Variants in SCYL2 observed in about 807,000 individuals in gnomAD.
SCYL2 encodes the protein SCY1 like pseudokinase 2.
A neutral mutation model predicts 100.4 loss-of-function variants in SCYL2; 36 were observed. That is an observed-to-expected ratio of 0.36 (90% CI 0.27 to 0.47). The LOEUF is 0.47. Among genes scored for constraint, SCYL2 ranks in the 20% least tolerant of loss-of-function variants. SCYL2 has a pLI of 1.00. For synonymous variants in SCYL2, 330 were observed against 359.2 expected, an observed-to-expected ratio of 0.92 and a Z score of 0.92; for missense variants, 902 against 1,083.9, an observed-to-expected ratio of 0.83 and a Z score of 2.36.
chr12:100,311,922 C>T (rs1274484834), intron 5 of SCYL2, among the ~76,000 whole-genome samples: 1 of 152,102 alleles, frequency 6.6e-6, no homozygotes, highest in Non-Finnish European at 1.5e-5. Flanking sequence ...GTGATTTGAC[C>T]TAAGATTTGT....
chr12:100,335,717 A>AG, intron 15 of SCYL2, 26 bp downstream of exon 15: 3 of 1,600,790 alleles, frequency 1.9e-6, no homozygotes, highest in Non-Finnish European at 2.6e-6. Context: ...ATTTTTGCAG[A>AG]AAGTATGCTT....
chr12:100,320,206 A>C (rs2096354027), intron 10 of SCYL2, among the ~76,000 whole-genome samples: 3 of 152,110 alleles, frequency 2.0e-5, no homozygotes. Flanking sequence ...TGTGTTTTGC[A>C]ATCTCCTGTT....
intron 13 of SCYL2, among the ~76,000 whole-genome samples, chr12:100,331,733 G>A (rs1011005868): frequency 1.3e-5 from 2 of 152,128 alleles, no homozygotes; most frequent in African/African-American, 4.8e-5. Flanking sequence ...CAGTAGTTTA[G>A]CATGGATGTG....
rs760521513 is a variant in SCYL2, at chr12:100,335,618, C to G, written c.1863-7C>G. ...TATTGTTTTATCATAATTCAACTCT[C>G]CTACAGATCTTTGGATATAGGAAAT... is the stretch of plus-strand genomic sequence containing the variant. On this transcript the variant is annotated splice_region_variant and splice_polypyrimidine_tract_variant and intron_variant, in intron 14 of 17. Coordinates refer to ENST00000360820, the MANE Select transcript of SCYL2 (RefSeq NM_017988.6). 1.9e-6 allele frequency: 3 copies of G among 1,577,378 alleles called. No homozygotes were observed. The highest frequency in any genetic ancestry group is 4.5e-5 in the East Asian group (2 of 44,658).
chr12:100,318,557 C>G (rs1566365190), intron 10 of SCYL2, among the ~76,000 whole-genome samples: 1 of 152,176 alleles, frequency 6.6e-6, no homozygotes, highest in Non-Finnish European at 1.5e-5. Flanking sequence ...GTCTCGAACT[C>G]CTGACCTCAG....
intron 4 of SCYL2, among the ~76,000 whole-genome samples, chr12:100,305,985 A>T (rs996907300): frequency 6.6e-6 from 1 of 152,158 alleles, no homozygotes; most frequent in Non-Finnish European, 1.5e-5. Context: ...ATAGACCAAT[A>T]ACAAATTCTG....
At chr12:100,326,570 T>C in intron 11 of SCYL2, 52 bp from the exon 12 acceptor site, 1 of 1,325,548 alleles carries the variant, frequency 7.5e-7, no homozygotes, top group Admixed American at 2.4e-5. Context: ...AAATATTTTG[T>C]TCTAGATTTT....
chr12:100,309,687 C>T (rs1460955676), intron 4 of SCYL2, among the ~76,000 whole-genome samples: 1 of 152,148 alleles, frequency 6.6e-6, no homozygotes, highest in Non-Finnish European at 1.5e-5. Context: ...TGTCAATGGA[C>T]CTTGAATTGC....
chr12:100,331,676 G>T (rs1952211424), intron 13 of SCYL2, among the ~76,000 whole-genome samples: 1 of 151,982 alleles, frequency 6.6e-6, no homozygotes, highest in Non-Finnish European at 1.5e-5. Context: ...GGGGGGAGTG[G>T]CTATTTTCAT....
At chr12:100,283,943 T>C (rs1398966896) in intron 2 of SCYL2, among the ~76,000 whole-genome samples, 2 of 152,232 alleles carry the variant, frequency 1.3e-5, no homozygotes, top group African/African-American at 4.8e-5. Context: ...CTGATCGATT[T>C]GTTACTTTTG....
rs2135911311 is a variant in SCYL2, at chr12:100,317,874, T to C, written c.1344T>C (p.Ser448=). ...TKTPPDEIKN[S]VLPMVYRALE... ...CCCCTCCTGATGAGATAAAGAACAG[T>C]GTTCTACCCATGGTTTACAGAGCAC... The change falls in exon 10 of 18, where the codon AGT becomes AGC. Residue 448 remains serine (S), a synonymous_variant. Coordinates refer to ENST00000360820, the MANE Select transcript of SCYL2 (RefSeq NM_017988.6). 6.2e-7 allele frequency: 1 copy of C among 1,607,094 alleles called. No individual in the cohort carries two copies. The highest frequency in any genetic ancestry group is 2.2e-5 in the East Asian group (1 of 44,740).
chr12:100,294,200 C>T (rs1218062517), intron 3 of SCYL2, among the ~76,000 whole-genome samples: 34 of 142,992 alleles, frequency 2.4e-4, no homozygotes, highest in Admixed American at 6.9e-4. Context: ...GCTGGCCAGG[C>T]GGGGGGGTGA....
chr12:100,301,511 C>G (rs1194013945), intron 4 of SCYL2, among the ~76,000 whole-genome samples: 5 of 152,092 alleles, frequency 3.3e-5, no homozygotes, highest in Admixed American at 3.3e-4. Context: ...TGATGTGATC[C>G]CATTTGTCCG....
intron 3 of SCYL2, among the ~76,000 whole-genome samples, chr12:100,294,603 G>T (rs1048040809): frequency 9.7e-5 from 14 of 143,928 alleles, no homozygotes; most frequent in Non-Finnish European, 9.2e-5. Flanking sequence ...GGACAGGGTG[G>T]CTGGCCGGGC....
chr12:100,282,012 T>TTTG lies in SCYL2; in HGVS notation c.-28-913_-28-911dup, dbSNP rs925447316. Among the ~76,000 whole-genome samples, 254 of 151,970 alleles carry TTTG rather than the reference T, an allele frequency of 1.7e-3. 1 individual carries two copies. Among genetic ancestry groups the TTTG allele is most frequent in the African/African-American group, 5.9e-3 (243 of 41,454 alleles). On this transcript the variant is annotated intron_variant, in intron 1 of 17. Transcript: ENST00000360820. ...TGAAGTGAGAGTCAGACCTCCTATATTTGTTGTTGTTGTTGTTGTTTTTGA... is the reference window on the plus strand; with the variant it reads ...TGAAGTGAGAGTCAGACCTCCTATATTTGTTGTTGTTGTTGTTGTTGTTTTTGA...
At chr12:100,309,255 T>C (rs1030486628) in intron 4 of SCYL2, among the ~76,000 whole-genome samples, 42 of 152,136 alleles carry the variant, frequency 2.8e-4, no homozygotes, top group African/African-American at 9.7e-4. Flanking sequence ...TTTTTAAGTG[T>C]ACATTTGAGT....
chr12:100,329,034 T>C (rs1952174071), intron 12 of SCYL2, among the ~76,000 whole-genome samples, 167 bp from the exon 13 acceptor site: 1 of 152,192 alleles, frequency 6.6e-6, no homozygotes. Flanking sequence ...TGATAAAGGC[T>C]GAAATCATTC....
At chr12:100,310,827 T>G (rs2096341310) in intron 4 of SCYL2, among the ~76,000 whole-genome samples, 3 of 152,240 alleles carry the variant, frequency 2.0e-5, no homozygotes, top group Admixed American at 6.5e-5. Context: ...ATAGGTGTAC[T>G]CTGGTTTTAT....
At chr12:100,289,885 A>T (rs1253871526) in intron 2 of SCYL2, among the ~76,000 whole-genome samples, 2 of 152,166 alleles carry the variant, frequency 1.3e-5, no homozygotes, top group Non-Finnish European at 1.5e-5. Context: ...TATCAAGTTG[A>T]CAGGTTGTTG....
Sources: gnomAD v4.1 joint callset for allele counts (sites outside exome capture counted in the v4.1 genomes callset) on GRCh38, gnomAD v4.1.1 for gene constraint, MANE v1.5 for transcripts, NCBI Gene and HGNC (gene_info 2026-07-23, HGNC 2026-07-21) for gene names.